The following DOCK1 variants were observed in gnomAD, a reference collection of about 807,000 sequenced individuals.
The protein encoded by DOCK1 is dedicator of cytokinesis 1, also known as dedicator of cytokinesis protein 1.
DOCK1 carries 138 observed loss-of-function variants against 262.7 expected under a neutral mutation model. The ratio of observed to expected loss-of-function variants is 0.53; its 90% confidence interval spans 0.46 to 0.61. The LOEUF (loss-of-function observed/expected upper bound fraction) is 0.61, where lower values mean the gene tolerates loss of function less well. Among genes scored for constraint, DOCK1 ranks in the 20% least tolerant of loss-of-function variants. The probability of loss-of-function intolerance (pLI) is 0.00; values close to 1 mark genes in which losing one functional copy is unlikely to be tolerated. For synonymous variants in DOCK1, 866 were observed against 867.4 expected (o/e 1.00, Z 0.03); for missense variants, 1,908 against 2,370.7 (o/e 0.80, Z 4.05).
chr10:127,375,706 T>C (rs896704922), intron 35 of DOCK1, among the ~76,000 whole-genome samples: 1 of 152,258 alleles, frequency 6.6e-6, no homozygotes, highest in Non-Finnish European at 1.5e-5. Flanking sequence ...ATTGCATGGC[T>C]GGACAGCTTG....
intron 27 of DOCK1, among the ~76,000 whole-genome samples, chr10:127,232,212 G>A (rs1439570380): frequency 6.6e-6 from 1 of 152,174 alleles, no homozygotes; most frequent in Non-Finnish European, 1.5e-5. Flanking sequence ...ATACCATTTA[G>A]CTTAAGAAGT....
chr10:127,098,372 G>C (rs984436029), intron 23 of DOCK1, among the ~76,000 whole-genome samples: 77 of 152,214 alleles, frequency 5.1e-4, no homozygotes, highest in African/African-American at 1.8e-3. Context: ...ATTCAGGTTT[G>C]AGAGATGTGC....
intron 1 of DOCK1, among the ~76,000 whole-genome samples, chr10:126,912,527 C>A (rs1017756857): frequency 1.3e-5 from 2 of 151,252 alleles, no homozygotes; most frequent in Non-Finnish European, 2.9e-5. Context: ...TAGATCGAGA[C>A]CCTCCCGGCT....
At chr10:127,264,261 G>T (rs1564949079) in intron 29 of DOCK1, among the ~76,000 whole-genome samples, 1 of 152,176 alleles carries the variant, frequency 6.6e-6, no homozygotes, top group Non-Finnish European at 1.5e-5. Flanking sequence ...GGATAATAAA[G>T]ACATGAAACC....
At chr10:126,992,797 C>T (rs1193263357) in intron 6 of DOCK1, among the ~76,000 whole-genome samples, 1 of 142,678 alleles carries the variant, frequency 7.0e-6, no homozygotes, top group African/African-American at 2.6e-5. Flanking sequence ...CAGACACACA[C>T]ACACACACAG....
intron 18 of DOCK1, among the ~76,000 whole-genome samples, chr10:127,033,279 T>C (rs917994273): frequency 1.3e-5 from 2 of 152,198 alleles, no homozygotes; most frequent in African/African-American, 4.8e-5. Context: ...ACCCCAAAGC[T>C]CAGCCCTAAT....
At chr10:127,118,180 G>A (rs976654033) in intron 25 of DOCK1, among the ~76,000 whole-genome samples, 2 of 152,026 alleles carry the variant, frequency 1.3e-5, no homozygotes, top group Non-Finnish European at 2.9e-5. Flanking sequence ...TCCATGTGGT[G>A]AGATCCTGCC....
chr10:127,086,454 G>C (rs892290333), intron 23 of DOCK1, among the ~76,000 whole-genome samples: 1 of 152,142 alleles, frequency 6.6e-6, no homozygotes, highest in Non-Finnish European at 1.5e-5. Context: ...GAATACAAAA[G>C]AAGCAAAGAA....
chr10:127,175,789 T>C lies in DOCK1; in HGVS notation c.2847+48025T>C. 1 of 1,614,130 alleles carries C rather than the reference T, an allele frequency of 6.2e-7. No individual in the cohort carries two copies. Among genetic ancestry groups the C allele is most frequent in the Middle Eastern group, 1.6e-4 (1 of 6,062 alleles). On this transcript the variant is annotated intron_variant, in intron 27 of 51. Coordinates refer to ENST00000623213, the MANE Select transcript of DOCK1 (RefSeq NM_001290223.2). This position sits in a 1 kb window ranked among gnomAD's most constrained non-coding sequence, Gnocchi z 6.3. ...TTTTGGAGCGCAGCTTCTCCATAGC[T>C]GAGCGGCTCCGGGCTTTTACAGGGC... is the stretch of plus-strand genomic sequence containing the variant.
At chr10:126,945,025 GA>G (rs2035287023) in intron 1 of DOCK1, among the ~76,000 whole-genome samples, 2 of 152,034 alleles carry the variant, frequency 1.3e-5, no homozygotes, top group East Asian at 3.9e-4. Flanking sequence ...TTTTAGTAGA[GA>G]CGGGGTTTCA....
At chr10:127,092,016 C>G (rs1456921776) in intron 23 of DOCK1, among the ~76,000 whole-genome samples, 7 of 152,168 alleles carry the variant, frequency 4.6e-5, no homozygotes, top group Admixed American at 4.6e-4. Flanking sequence ...TTGTACTGCC[C>G]TATTGAAATT....
At chr10:127,234,618 A>G (rs1214237217) in intron 27 of DOCK1, among the ~76,000 whole-genome samples, 1 of 152,130 alleles carries the variant, frequency 6.6e-6, no homozygotes, top group African/African-American at 2.4e-5. Context: ...TTTGAATCCC[A>G]ATAGGACCTT....
At chr10:126,912,674 C>G (rs112622983) in intron 1 of DOCK1, among the ~76,000 whole-genome samples, 1 of 150,458 alleles carries the variant, frequency 6.6e-6, no homozygotes, top group Non-Finnish European at 1.5e-5. Flanking sequence ...TGCAGTGAGC[C>G]GAGATCGCGC....
At chr10:127,112,259 G>T (rs565397220) in intron 25 of DOCK1, among the ~76,000 whole-genome samples, 1 of 152,040 alleles carries the variant, frequency 6.6e-6, no homozygotes, top group South Asian at 2.1e-4. Context: ...TGATCCACCC[G>T]CCTCGGCCTC....
chr10:127,023,489 G>A (rs1248213952), intron 14 of DOCK1, among the ~76,000 whole-genome samples, 165 bp downstream of exon 14: 1 of 151,498 alleles, frequency 6.6e-6, no homozygotes, highest in African/African-American at 2.4e-5. Context: ...GCCATGCAGG[G>A]CCTGGGGTCC....
intron 31 of DOCK1, 64 bp downstream of exon 31, chr10:127,343,810 A>T (rs1339014441): frequency 3.5e-5 from 47 of 1,325,064 alleles, no homozygotes; most frequent in Non-Finnish European, 4.6e-5. Flanking sequence ...CATAATTTTC[A>T]TGTCATTTCT....
chr10:127,357,845 C>T (rs2064218817), intron 32 of DOCK1, among the ~76,000 whole-genome samples: 1 of 152,110 alleles, frequency 6.6e-6, no homozygotes, highest in Non-Finnish European at 1.5e-5. Flanking sequence ...CCAAGCAGCC[C>T]CTCAGGATGG....
chr10:127,237,201 A>T (rs537863652), intron 27 of DOCK1, among the ~76,000 whole-genome samples: 2 of 152,094 alleles, frequency 1.3e-5, no homozygotes, highest in Non-Finnish European at 2.9e-5. Context: ...TCTACTAAAA[A>T]TATGAAAAAT....
intron 27 of DOCK1, among the ~76,000 whole-genome samples, chr10:127,155,526 C>T (rs779658987): frequency 7.2e-5 from 11 of 152,284 alleles, no homozygotes; most frequent in South Asian, 4.2e-4. Context: ...TCCGTTCTCC[C>T]GTTGGCTTTG....
Sources: allele counts gnomAD v4.1 joint callset (sites outside exome capture counted in the v4.1 genomes callset), GRCh38; gene constraint gnomAD v4.1.1; non-coding constraint Gnocchi (gnomAD v3.1); transcripts MANE v1.5; gene names NCBI Gene and HGNC (gene_info 2026-07-23, HGNC 2026-07-21).